The following COP1 variants were observed in gnomAD, a reference collection of about 807,000 sequenced individuals.
COP1 encodes the protein E3 ubiquitin-protein ligase COP1.
A neutral mutation model predicts 101.3 loss-of-function variants in COP1; 24 were observed. The ratio of observed to expected loss-of-function variants is 0.24; its 90% confidence interval spans 0.17 to 0.33. COP1 has a LOEUF of 0.33. Among genes scored for constraint, COP1 ranks in the 10% least tolerant of loss-of-function variants. COP1 has a pLI of 1.00. For missense variants in COP1, 663 were observed against 906.2 expected (o/e 0.73, Z 3.45); for synonymous variants, 347 against 341.9 (o/e 1.01, Z -0.17).
At chr1:176,200,329 T>A (rs943156601) in intron 1 of COP1, among the ~76,000 whole-genome samples, 1 of 152,204 alleles carries the variant, frequency 6.6e-6, no homozygotes, top group African/African-American at 2.4e-5. Context: ...ACGTTTGAGT[T>A]TCAAATATCT....
At chr1:176,164,937 T>C (rs1694869326) in intron 3 of COP1, among the ~76,000 whole-genome samples, 2 of 152,118 alleles carry the variant, frequency 1.3e-5, no homozygotes, top group Admixed American at 1.3e-4. Context: ...GAAGAAGTAT[T>C]AGCACAGAGA....
intron 18 of COP1, among the ~76,000 whole-genome samples, chr1:175,960,710 T>C (rs1651235760): frequency 1.3e-5 from 2 of 152,218 alleles, no homozygotes; most frequent in Admixed American, 6.5e-5. Flanking sequence ...AGGGCCTTTA[T>C]AAGTCCCTGG....
At position 176,085,905 on chromosome 1, in the gene COP1, A is replaced by T; in HGVS notation, c.1027-15T>A. The T allele has an allele frequency of 5.6e-6, 8 of 1,425,200 alleles. No individual in the cohort carries two copies. Among genetic ancestry groups the T allele is most frequent in the Non-Finnish European group, 7.9e-6 (8 of 1,018,704 alleles). 88.3% of individuals were successfully genotyped at this position (1,425,200 alleles called of 1,614,324 possible). A position where few individuals can be genotyped will look rare whatever the true frequency, so the allele number is the denominator to read the frequency against. ...TGTTTCTTTGTCTAAAATAATAAGA[A>T]AAGACACAAAACTTAGAATAAACAA... On this transcript the variant is annotated splice_polypyrimidine_tract_variant and intron_variant, in intron 9 of 19. Coordinates refer to ENST00000367669, the MANE Select transcript of COP1 (RefSeq NM_022457.7).
chr1:176,034,848 A>G (rs1669212471), intron 14 of COP1, among the ~76,000 whole-genome samples: 1 of 152,208 alleles, frequency 6.6e-6, no homozygotes, highest in South Asian at 2.1e-4. Flanking sequence ...CTGAGAAATG[A>G]ACTGATTGTT....
At chr1:176,020,729 G>A (rs772254166) in intron 15 of COP1, among the ~76,000 whole-genome samples, 16 of 152,120 alleles carry the variant, frequency 1.1e-4, no homozygotes, top group Non-Finnish European at 1.9e-4. Context: ...GGAAATGTAG[G>A]AAAATATGTA....
intron 15 of COP1, among the ~76,000 whole-genome samples, chr1:176,025,753 G>GCCC (rs1553226891): frequency 6.6e-6 from 1 of 151,966 alleles, no homozygotes; most frequent in Non-Finnish European, 1.5e-5. Context: ...AGCCAGGTGT[G>GCCC]GTGGTGCACG....
intron 18 of COP1, among the ~76,000 whole-genome samples, chr1:175,981,010 T>A (rs993263491): frequency 3.9e-5 from 6 of 151,998 alleles, no homozygotes; most frequent in Non-Finnish European, 7.4e-5. Flanking sequence ...CAGATAAGAG[T>A]CATATCACAG....
chr1:176,040,473 C>T (rs1043894076), intron 14 of COP1, among the ~76,000 whole-genome samples: 4 of 152,120 alleles, frequency 2.6e-5, no homozygotes, highest in Admixed American at 6.5e-5. Flanking sequence ...CGCACCACCA[C>T]GCCCAGGTAA....
chr1:176,112,446 G>C (rs1425227749), intron 9 of COP1, among the ~76,000 whole-genome samples: 1 of 152,034 alleles, frequency 6.6e-6, no homozygotes, highest in Non-Finnish European at 1.5e-5. Context: ...GCTATATCAT[G>C]GTTGTGCATA....
intron 17 of COP1, 147 bp downstream of exon 17, chr1:175,988,141 T>G: frequency 1.5e-6 from 1 of 670,280 alleles, no homozygotes; most frequent in Non-Finnish European, 2.4e-6. Context: ...ACAAGGAAAA[T>G]CAGTAGTGCT....
At chr1:176,008,638 T>G (rs1416322154) in intron 15 of COP1, among the ~76,000 whole-genome samples, 1 of 152,100 alleles carries the variant, frequency 6.6e-6, no homozygotes, top group Non-Finnish European at 1.5e-5. Context: ...TGTGTATACC[T>G]TTTTTTACTG....
intron 3 of COP1, among the ~76,000 whole-genome samples, chr1:176,169,480 C>A (rs914805096): frequency 6.6e-6 from 1 of 152,138 alleles, no homozygotes; most frequent in South Asian, 2.1e-4. Context: ...ATCGCAGGTT[C>A]GGTTCTAGGC....
chr1:175,977,524 G>C (rs1458969701), intron 18 of COP1, among the ~76,000 whole-genome samples: 1 of 151,604 alleles, frequency 6.6e-6, no homozygotes, highest in East Asian at 1.9e-4. Flanking sequence ...GCTTTATTTG[G>C]GAAACTGGTG....
intron 11 of COP1, among the ~76,000 whole-genome samples, chr1:176,063,901 G>A (rs1317095507): frequency 2.0e-5 from 3 of 152,234 alleles, no homozygotes; most frequent in Admixed American, 6.5e-5. Context: ...TTACTGTTAA[G>A]TAAGTAATGA....
intron 15 of COP1, among the ~76,000 whole-genome samples, chr1:176,009,107 A>C (rs1057288073): frequency 6.6e-6 from 1 of 152,182 alleles, no homozygotes; most frequent in Non-Finnish European, 1.5e-5. Flanking sequence ...AGCTAGGTAC[A>C]CGTCAGAGCT....
rs538973241 is a variant in COP1, at chr1:175,984,480, G to A, written c.2133+2463C>T. Among the ~76,000 whole-genome samples the A allele has an allele frequency of 3.9e-5, 6 of 152,310 alleles. No homozygotes were observed. In the South Asian group the frequency reaches 1.0e-3, roughly 26 times the overall value. On this transcript the variant is annotated intron_variant, in intron 18 of 19. Coordinates refer to ENST00000367669, the MANE Select transcript of COP1 (RefSeq NM_022457.7). The stretch of plus-strand genomic sequence containing the variant: ...CAGGCAGAAGTTTGCTGCAAGGGTG[G>A]GCCCCTCATGGAGAACCTCTGCCAC...
chr1:176,197,802 T>C (rs963728679), intron 1 of COP1, among the ~76,000 whole-genome samples: 3 of 152,174 alleles, frequency 2.0e-5, no homozygotes, highest in Non-Finnish European at 2.9e-5. Context: ...TTATTAGAAC[T>C]AGTAAGTAAA....
intron 18 of COP1, among the ~76,000 whole-genome samples, chr1:175,972,802 T>C (rs1228990136): frequency 6.6e-6 from 1 of 152,132 alleles, no homozygotes; most frequent in East Asian, 1.9e-4. Context: ...GGAAGCTTTT[T>C]AGCTCATTGA....
chr1:176,151,217 A>G (rs1558210622), intron 5 of COP1, among the ~76,000 whole-genome samples: 1 of 151,666 alleles, frequency 6.6e-6, no homozygotes, highest in Non-Finnish European at 1.5e-5. Context: ...AGCGTGTAAG[A>G]AAAAGAATAA....
Sources: gnomAD v4.1 joint callset for allele counts (sites outside exome capture counted in the v4.1 genomes callset) on GRCh38, gnomAD v4.1.1 for gene constraint, MANE v1.5 for transcripts, NCBI Gene and HGNC (gene_info 2026-07-23, HGNC 2026-07-21) for gene names.